Variants in SP4 observed in about 807,000 individuals in gnomAD.
The protein encoded by SP4 is transcription factor Sp4.
A neutral mutation model predicts 72.8 loss-of-function variants in SP4; 19 were observed. That is an observed-to-expected ratio of 0.26 (90% CI 0.18 to 0.38). The LOEUF is 0.38. Ranked by LOEUF, SP4 falls within the 10% of genes least tolerant of loss-of-function variation. SP4 has a pLI of 1.00. For missense variants in SP4, 1,008 were observed against 926.3 expected (o/e 1.09, Z -1.14); for synonymous variants, 395 against 333.1 (o/e 1.19, Z -2.02).
intron 5 of SP4, among the ~76,000 whole-genome samples, chr7:21,497,745 C>G (rs1781758412): frequency 6.6e-6 from 1 of 152,090 alleles, no homozygotes; most frequent in Admixed American, 6.6e-5. Flanking sequence ...ATGTAGTCAT[C>G]TATTTATAGA....
At chr7:21,469,258 T>C (rs1237807191) in intron 3 of SP4, among the ~76,000 whole-genome samples, 2 of 152,154 alleles carry the variant, frequency 1.3e-5, no homozygotes, top group Non-Finnish European at 2.9e-5. Flanking sequence ...AATTTTTATA[T>C]AGTAAAGTTG....
At chr7:21,438,606 C>G (rs17144421) in intron 3 of SP4, among the ~76,000 whole-genome samples, 1 of 151,820 alleles carries the variant, frequency 6.6e-6, no homozygotes, top group African/African-American at 2.4e-5. Context: ...TTTGTAGTTA[C>G]GATATGTTAT....
intron 4 of SP4, among the ~76,000 whole-genome samples, chr7:21,480,101 T>C (rs1784639260): frequency 6.6e-6 from 1 of 152,000 alleles, no homozygotes; most frequent in Non-Finnish European, 1.5e-5. Context: ...TCTGCAGGAG[T>C]TCTGTTTCTT....
chr7:21,458,042 T>C (rs901348130), intron 3 of SP4, among the ~76,000 whole-genome samples: 1 of 152,230 alleles, frequency 6.6e-6, no homozygotes, highest in Admixed American at 6.5e-5. Flanking sequence ...TTTATAACTT[T>C]CGAAGAAGAA....
At chr7:21,452,846 G>C (rs1449604617) in intron 3 of SP4, among the ~76,000 whole-genome samples, 1 of 150,000 alleles carries the variant, frequency 6.7e-6, no homozygotes, top group African/African-American at 2.5e-5. Flanking sequence ...GCAGTGGCAC[G>C]ATCTGAGCTC....
intron 5 of SP4, among the ~76,000 whole-genome samples, chr7:21,496,079 C>T (rs575214268): frequency 6.6e-6 from 1 of 152,212 alleles, no homozygotes; most frequent in African/African-American, 2.4e-5. Flanking sequence ...TTTGTGTTTT[C>T]TAGGGCATAA....
Position 21,430,400 on chromosome 7 carries a change from C to T in SP4, c.1235C>T (p.Pro412Leu). The T allele has an allele frequency of 6.2e-7, 1 of 1,614,200 alleles. No homozygotes were observed. The highest frequency in any genetic ancestry group is 8.5e-7 in the Non-Finnish European group (1 of 1,180,034). ...TTACAGCAGATCCAGATCCAACAGC[C>T]TCAGCAACAGATCATTCAGGCTATT... ...PILQQIQIQQ[P>L]QQQIIQAIPP... Residue 412 changes from proline to leucine, a missense_variant, in exon 3 of 6, where the codon CCT (proline) becomes CTT (leucine). This residue lies in a region of SP4 where 893 missense variants were observed against 743.3 expected (regional missense o/e 1.20). Coordinates refer to ENST00000222584, the MANE Select transcript of SP4 (RefSeq NM_003112.5).
chr7:21,449,954 T>C (rs1483790495), intron 3 of SP4, among the ~76,000 whole-genome samples: 1 of 152,144 alleles, frequency 6.6e-6, no homozygotes, highest in Non-Finnish European at 1.5e-5. Flanking sequence ...ATTGTTCCAA[T>C]TGATACAGTT....
chr7:21,511,016 A>G lies in SP4; in HGVS notation c.2108-6A>G, dbSNP rs766688885. ...GTATAACGCCATTTACTGTTTTTCT[A>G]TGTAGGTGAAAAGAGATTTGAATGC... On this transcript the variant is annotated splice_polypyrimidine_tract_variant and splice_region_variant and intron_variant, in intron 5 of 5. Transcript: ENST00000222584. The G allele has an allele frequency of 1.9e-6, 3 of 1,593,886 alleles. No homozygotes were observed. The highest frequency in any genetic ancestry group is 2.6e-6 in the Non-Finnish European group (3 of 1,168,448).
At chr7:21,456,913 G>T (rs1023198037) in intron 3 of SP4, among the ~76,000 whole-genome samples, 1 of 152,160 alleles carries the variant, frequency 6.6e-6, no homozygotes, top group Admixed American at 6.5e-5. Flanking sequence ...CAGCCCAGTG[G>T]AGGGGGAGCA....
intron 3 of SP4, among the ~76,000 whole-genome samples, chr7:21,472,949 T>G (rs1049733110): frequency 6.6e-6 from 1 of 152,080 alleles, no homozygotes; most frequent in African/African-American, 2.4e-5. Context: ...GCACAATAGA[T>G]TTGGTCATTA....
chr7:21,509,483 T>C (rs1451160261), intron 5 of SP4, among the ~76,000 whole-genome samples: 2 of 148,680 alleles, frequency 1.3e-5, no homozygotes. Context: ...TTTTTTTTAA[T>C]ACTTGGTTTT....
At chr7:21,452,937 C>T (rs760083608) in intron 3 of SP4, among the ~76,000 whole-genome samples, 5 of 152,032 alleles carry the variant, frequency 3.3e-5, no homozygotes, top group South Asian at 2.1e-4. Flanking sequence ...CACCTGCCAC[C>T]GCACTGGCTA....
rs1285390961 is a variant in SP4 at position 21,477,262 on chromosome 7, G to A, written c.1862G>A (p.Arg621Gln). The A allele has an allele frequency of 1.2e-6, 2 of 1,614,052 alleles. No homozygotes were observed. Among genetic ancestry groups the A allele is most frequent in the Non-Finnish European group, 1.7e-6 (2 of 1,179,914 alleles). The change falls in exon 4 of 6, where the codon CGA (arginine) becomes CAA (glutamine). Residue 621 changes from arginine to glutamine, a missense_variant. Arg to Gln is a conservative substitution (Grantham distance 43). Around this residue, in one of 3 missense-constraint regions of SP4, gnomAD observed 893 missense variants for 743.3 expected, o/e 1.20. Transcript: ENST00000222584. ...GAGGTACAACCTGGCAAGAGGCTTCGAAGAGTTGCCTGTTCCTGTCCTAAT... is the reference window on the plus strand; with the variant it reads ...GAGGTACAACCTGGCAAGAGGCTTCAAAGAGTTGCCTGTTCCTGTCCTAAT... ...DQEVQPGKRL[R>Q]RVACSCPNCR...
At chr7:21,455,891 T>G (rs973462643) in intron 3 of SP4, among the ~76,000 whole-genome samples, 1 of 152,166 alleles carries the variant, frequency 6.6e-6, no homozygotes. Context: ...CCGTGTTCTT[T>G]AAGTAGATGA....
intron 3 of SP4, among the ~76,000 whole-genome samples, chr7:21,457,395 G>C (rs749569399): frequency 1.3e-5 from 2 of 151,842 alleles, no homozygotes; most frequent in Non-Finnish European, 1.5e-5. Context: ...TATCATCTTC[G>C]CTTCCTCCAG....
rs79453542 is a variant in SP4, at chr7:21,433,447, A to C, written c.1678+2604A>C. 6.0e-4 allele frequency among the ~76,000 whole-genome samples: 92 copies of C among 152,304 alleles called. 2 individuals are homozygous for C. In the East Asian group the frequency reaches 0.016, roughly 26 times the overall value. On this transcript the variant is annotated intron_variant, in intron 3 of 5. Coordinates refer to ENST00000222584, the MANE Select transcript of SP4 (RefSeq NM_003112.5). ...TTGCTTGATGTCTGCAAGTCAATAC[A>C]GTTAATCTAGGCCTAGTTTGCAGAT... is the stretch of plus-strand genomic sequence containing the variant.
At chr7:21,459,781 A>G (rs1404493418) in intron 3 of SP4, among the ~76,000 whole-genome samples, 1 of 152,186 alleles carries the variant, frequency 6.6e-6, no homozygotes, top group Non-Finnish European at 1.5e-5. Context: ...TCCTCTTACC[A>G]CTTCTCAACT....
chr7:21,430,888 TAAC>T (rs1380885329), intron 3 of SP4, 45 bp downstream of exon 3: 7 of 1,381,216 alleles, frequency 5.1e-6, no homozygotes, highest in Non-Finnish European at 7.0e-6. Flanking sequence ...TAGTTTTTCA[TAAC>T]AATTATTGCT....
Sources: gnomAD v4.1 joint callset for allele counts (sites outside exome capture counted in the v4.1 genomes callset) on GRCh38, gnomAD v4.1.1 for gene constraint, gnomAD v4.1.1 regional missense constraint, MANE v1.5 for transcripts, NCBI Gene and HGNC (gene_info 2026-07-23, HGNC 2026-07-21) for gene names.